Variants in ANKH observed in about 807,000 individuals in gnomAD.
ANKH encodes the protein mineralization regulator ANKH.
ANKH carries 15 observed loss-of-function variants against 49.0 expected under a neutral mutation model. That is an observed-to-expected ratio of 0.31 (90% CI 0.20 to 0.47). The LOEUF (loss-of-function observed/expected upper bound fraction) is 0.47, where lower values mean the gene tolerates loss of function less well. ANKH is among the 20% of genes least tolerant of loss of function. ANKH has a pLI of 1.00. For missense variants in ANKH, 429 were observed against 652.0 expected (o/e 0.66, Z 3.72); for synonymous variants, 273 against 260.0 (o/e 1.05, Z -0.48).
At chr5:14,783,301 C>G (rs1739866461) in intron 1 of ANKH, among the ~76,000 whole-genome samples, 4 of 150,922 alleles carry the variant, frequency 2.7e-5, no homozygotes, top group Admixed American at 2.0e-4. Context: ...CACACACACA[C>G]ACACACACAC....
In ANKH at chr5:14,755,960, G is replaced by T; in HGVS notation, c.433-16C>A. On this transcript the variant is annotated splice_polypyrimidine_tract_variant and intron_variant, in intron 3 of 11. Transcript: ENST00000284268. Reference sequence around the variant, plus strand: ...GGGTCCATGCCTGCCAGAAAGAAAAGAATTTGGCATGAGATACACCTTCAG... The same window carrying T: ...GGGTCCATGCCTGCCAGAAAGAAAATAATTTGGCATGAGATACACCTTCAG... The T allele has an allele frequency of 6.2e-7, 1 of 1,610,456 alleles. No individual in the cohort carries two copies. The highest frequency in any genetic ancestry group is 1.1e-5 in the South Asian group (1 of 90,952).
In ANKH at chr5:14,871,564, C is replaced by G. The variant is rs1033910985; in HGVS notation, c.-117G>C. 2.0e-6 allele frequency: 1 copy of G among 491,286 alleles called. No homozygotes were observed. Among genetic ancestry groups the G allele is most frequent in the Non-Finnish European group, 2.8e-6 (1 of 356,140 alleles). 30.4% of individuals were successfully genotyped at this position (491,286 alleles called of 1,614,324 possible). A position where few individuals can be genotyped will look rare whatever the true frequency, so the allele number is the denominator to read the frequency against. On this transcript the variant is annotated 5_prime_UTR_variant, in exon 1 of 12. Coordinates refer to ENST00000284268, the MANE Select transcript of ANKH (RefSeq NM_054027.6). ...GGCGCGGGCCGACAGAGGCCGCGGG[C>G]GGCGGGGCCTCGGGCGCGGCGGCGG...
chr5:14,798,220 A>T, intron 1 of ANKH: 1 of 1,597,814 alleles, frequency 6.3e-7, no homozygotes, highest in Non-Finnish European at 8.6e-7. Context: ...TGAAGGCTGA[A>T]ATCTTTCCCT....
intron 1 of ANKH, among the ~76,000 whole-genome samples, chr5:14,855,085 T>G (rs1472865304): frequency 1.3e-5 from 2 of 152,212 alleles, no homozygotes; most frequent in Non-Finnish European, 2.9e-5. Context: ...CTGGTCTTAT[T>G]ACCTGCTCCA....
At chr5:14,774,755 G>A (rs574906072) in intron 1 of ANKH, among the ~76,000 whole-genome samples, 11 of 152,188 alleles carry the variant, frequency 7.2e-5, no homozygotes, top group African/African-American at 2.4e-4. Context: ...TGCCCTACCT[G>A]AATGTAAGCT....
At chr5:14,773,350 A>ATTTT (rs150094330) in intron 1 of ANKH, among the ~76,000 whole-genome samples, 3 of 68,238 alleles carry the variant, frequency 4.4e-5, no homozygotes, top group Admixed American at 1.7e-4. Context: ...TTGGCAAAGC[A>ATTTT]TTCTTTTTTT....
In ANKH at chr5:14,713,117, C is replaced by CA. The variant is rs1737301609; in HGVS notation, c.1266-145dup. ...CCATCTGCTGGCTTCGTAAGGGCCG[C>CA]AGCTAATAACCTAATGTGTGAGGGG... On this transcript the variant is annotated intron_variant, in intron 10 of 11. Transcript: ENST00000284268. The surrounding 1 kb of genome is among the most constrained non-coding windows in gnomAD (Gnocchi z 4.4). The CA allele has an allele frequency of 9.9e-6, 8 of 811,084 alleles. No homozygotes were observed. In the South Asian group the frequency reaches 1.2e-4, roughly 12 times the overall value. The allele number at this position is 811,084 out of a possible 1,614,324, so 50.2% of individuals were successfully genotyped here. A position where few individuals can be genotyped will look rare whatever the true frequency, so the allele number is the denominator to read the frequency against.
chr5:14,796,453 TAA>T (rs56898794), intron 1 of ANKH, among the ~76,000 whole-genome samples: 7 of 128,656 alleles, frequency 5.4e-5, no homozygotes, highest in African/African-American at 5.7e-5. Flanking sequence ...GGTCCCAAGT[TAA>T]AAAAAAAAAA....
At chr5:14,858,117 C>A (rs1166625981) in intron 1 of ANKH, among the ~76,000 whole-genome samples, 2 of 152,158 alleles carry the variant, frequency 1.3e-5, no homozygotes, top group Non-Finnish European at 2.9e-5. Context: ...TTAATCATCA[C>A]ATTTTATTTC....
intron 1 of ANKH, among the ~76,000 whole-genome samples, chr5:14,857,094 T>C (rs1735293113): frequency 1.3e-5 from 2 of 152,040 alleles, no homozygotes; most frequent in Non-Finnish European, 2.9e-5. Context: ...CTGCCCACCC[T>C]ACGCCTATGT....
intron 1 of ANKH, among the ~76,000 whole-genome samples, chr5:14,789,207 G>A (rs998287638): frequency 2.0e-5 from 3 of 152,048 alleles, no homozygotes; most frequent in Non-Finnish European, 2.9e-5. Context: ...CAGCCTGGGC[G>A]ACATGAATGA....
Position 14,737,773 on chromosome 5 carries a change from C to T in ANKH, c.1011+4054G>A, listed in dbSNP as rs1368672083. 6.6e-6 allele frequency among the ~76,000 whole-genome samples: 1 copy of T among 152,228 alleles called. No individual in the cohort carries two copies. The highest frequency in any genetic ancestry group is 1.5e-5 in the Non-Finnish European group (1 of 68,046). On this transcript the variant is annotated intron_variant, in intron 8 of 11. Coordinates refer to ENST00000284268, the MANE Select transcript of ANKH (RefSeq NM_054027.6). This position sits in a 1 kb window ranked among gnomAD's most constrained non-coding sequence, Gnocchi z 5.0. ...AAACAGCTGCTTGTCAGTCAGCAGGCGCCTTGCTAACCTGGGTTTGCACTG... is the reference window on the plus strand; with the variant it reads ...AAACAGCTGCTTGTCAGTCAGCAGGTGCCTTGCTAACCTGGGTTTGCACTG...
intron 1 of ANKH, chr5:14,870,398 T>C (rs1330207624): frequency 3.9e-5 from 6 of 152,162 alleles, no homozygotes; most frequent in Admixed American, 6.5e-5. Context: ...AATAGGTGCA[T>C]ATTCTAGATA....
At chr5:14,821,561 A>T (rs1741197016) in intron 1 of ANKH, among the ~76,000 whole-genome samples, 1 of 152,256 alleles carries the variant, frequency 6.6e-6, no homozygotes, top group African/African-American at 2.4e-5. Context: ...GCTTTGAAGC[A>T]TTTGAAATGG....
chr5:14,764,947 G>A (rs535777408), intron 2 of ANKH, among the ~76,000 whole-genome samples: 1 of 152,304 alleles, frequency 6.6e-6, no homozygotes, highest in East Asian at 1.9e-4. Context: ...AAAATCCACA[G>A]CAGCGGTTTC....
rs17364066 is a variant in ANKH at position 14,710,687 on chromosome 5, G to A, written c.*510C>T. 10,649 of 176,886 alleles carry A rather than the reference G, an allele frequency of 0.06. 387 individuals carry two copies. Among genetic ancestry groups the A allele is most frequent in the Non-Finnish European group, 0.093 (7,617 of 82,310 alleles). 11.0% of individuals were successfully genotyped at this position (176,886 alleles called of 1,614,324 possible). On this transcript the variant is annotated 3_prime_UTR_variant, in exon 12 of 12. Coordinates refer to ENST00000284268, the MANE Select transcript of ANKH (RefSeq NM_054027.6). Reference sequence around the variant, plus strand: ...AGTAGATGGTTTCGAACTCCGTGGCGGAAGGGAAATTTAAGAGGCCACCGG... The same window carrying A: ...AGTAGATGGTTTCGAACTCCGTGGCAGAAGGGAAATTTAAGAGGCCACCGG...
chr5:14,833,065 C>T (rs754480409), intron 1 of ANKH, among the ~76,000 whole-genome samples: 1 of 152,222 alleles, frequency 6.6e-6, no homozygotes, highest in Non-Finnish European at 1.5e-5. Context: ...ACAACCTGCA[C>T]TATTATTCCT....
chr5:14,816,569 G>A (rs1741044928), intron 1 of ANKH, among the ~76,000 whole-genome samples: 1 of 152,146 alleles, frequency 6.6e-6, no homozygotes, highest in African/African-American at 2.4e-5. Context: ...CGACGTAAAA[G>A]CCTCGGAGAT....
rs2126391505 is a variant in ANKH, at chr5:14,710,915, T to G, written c.*282A>C. 1 of 421,908 alleles carries G rather than the reference T, an allele frequency of 2.4e-6. No homozygotes were observed. Among genetic ancestry groups the G allele is most frequent in the East Asian group, 5.5e-5 (1 of 18,336 alleles). The allele number at this position is 421,908 out of a possible 1,614,324, so 26.1% of individuals were successfully genotyped here. A position where few individuals can be genotyped will look rare whatever the true frequency, so the allele number is the denominator to read the frequency against. ...GGGGAGGAGGACACAACGTCAACCG[T>G]GAGGCAGCTGTGTCTTTTGGGTTTT... On this transcript the variant is annotated 3_prime_UTR_variant, in exon 12 of 12. Coordinates refer to ENST00000284268, the MANE Select transcript of ANKH (RefSeq NM_054027.6).
Sources: allele counts gnomAD v4.1 joint callset (sites outside exome capture counted in the v4.1 genomes callset), GRCh38; gene constraint gnomAD v4.1.1; non-coding constraint Gnocchi (gnomAD v3.1); transcripts MANE v1.5; gene names NCBI Gene and HGNC (gene_info 2026-07-23, HGNC 2026-07-21).